The following COL22A1 variants were observed in gnomAD, a reference collection of about 807,000 sequenced individuals.
The protein encoded by COL22A1 is collagen alpha-1(XXII) chain.
A neutral mutation model predicts 248.9 loss-of-function variants in COL22A1; 221 were observed. The observed-to-expected ratio is 0.89, with a 90% CI of 0.80 to 0.99. The LOEUF is 0.99. Among genes scored for constraint, COL22A1 ranks in the 50% least tolerant of loss-of-function variants. COL22A1 has a pLI of 0.00. For missense variants in COL22A1, 2,240 were observed against 2,179.0 expected (o/e 1.03, Z -0.56); for synonymous variants, 891 against 793.4 (o/e 1.12, Z -2.07).
chr8:138,884,692 C>A (rs1329937969), intron 1 of COL22A1, among the ~76,000 whole-genome samples: 2 of 152,100 alleles, frequency 1.3e-5, no homozygotes, highest in Non-Finnish European at 2.9e-5. Context: ...ATGTCCACTG[C>A]AGCTTGGAGT....
intron 13 of COL22A1, among the ~76,000 whole-genome samples, chr8:138,779,841 T>C (rs983551330): frequency 1.3e-5 from 2 of 152,176 alleles, no homozygotes; most frequent in Non-Finnish European, 2.9e-5. Flanking sequence ...AGCTCACTCA[T>C]TATAACTTCA....
chr8:138,733,781 G>C (rs1469083833), intron 23 of COL22A1, among the ~76,000 whole-genome samples: 1 of 152,146 alleles, frequency 6.6e-6, no homozygotes, highest in African/African-American at 2.4e-5. Flanking sequence ...AGGCCTTGTG[G>C]ATGCAGGGAG....
chr8:138,738,793 G>C (rs1287202158), intron 22 of COL22A1, among the ~76,000 whole-genome samples: 1 of 152,212 alleles, frequency 6.6e-6, no homozygotes, highest in Non-Finnish European at 1.5e-5. Context: ...GTATCTGTGA[G>C]ATTGTAAAAC....
At chr8:138,615,274 T>TA in intron 55 of COL22A1, among the ~76,000 whole-genome samples, 1 of 152,218 alleles carries the variant, frequency 6.6e-6, no homozygotes, top group Non-Finnish European at 1.5e-5. Context: ...CTCACGCCTA[T>TA]AGTCCTAACC....
intron 2 of COL22A1, among the ~76,000 whole-genome samples, chr8:138,879,158 C>T (rs1823984150): frequency 6.6e-6 from 1 of 152,122 alleles, no homozygotes; most frequent in African/African-American, 2.4e-5. Flanking sequence ...CTGTACCAGA[C>T]ACACTGATAC....
intron 3 of COL22A1, among the ~76,000 whole-genome samples, chr8:138,862,418 G>A (rs1586911861): frequency 1.3e-5 from 2 of 152,220 alleles, no homozygotes; most frequent in African/African-American, 2.4e-5. Context: ...GCTTCTGGAG[G>A]CTGGAGCTGA....
rs751338683 is a variant in COL22A1, at chr8:138,844,094, C to T, written c.723G>A (p.Lys241=). 2.2e-5 allele frequency: 35 copies of T among 1,613,936 alleles called. No individual in the cohort carries two copies. The highest frequency in any genetic ancestry group is 2.0e-5 in the Non-Finnish European group (24 of 1,179,902). ...DRFKHTNGGT[K]EITGFDLMDL... Reference sequence around the variant, plus strand: ...TTGTTTTTCCCTTACCTGTGATTTCCTTGGTTCCTCCATTGGTGTGCTTAA... The same window carrying T: ...TTGTTTTTCCCTTACCTGTGATTTCTTTGGTTCCTCCATTGGTGTGCTTAA... Residue 241 remains lysine, a synonymous_variant, in exon 4 of 65, where the codon AAG becomes AAA. Transcript: ENST00000303045.
At chr8:138,725,752 GACACACACACACACACACACACACAC>G (rs66497386) in intron 23 of COL22A1, among the ~76,000 whole-genome samples, 6 of 148,686 alleles carry the variant, frequency 4.0e-5, no homozygotes, top group African/African-American at 7.4e-5. Context: ...CACATGTGCA[GACACACACACACACACACACACACAC>G]ACACACACAC....
Position 138,665,855 on chromosome 8 carries a change from C to G in COL22A1, c.3151-2115G>C, listed in dbSNP as rs561601434. The stretch of plus-strand genomic sequence containing the variant: ...CATGGCATTATCCAGAAAGATCTGG[C>G]AGGTATCAAAAGAGCCAGAGTACAT... On this transcript the variant is annotated intron_variant, in intron 41 of 64. Transcript: ENST00000303045. Among the ~76,000 whole-genome samples, 4 of 152,124 alleles carry G rather than the reference C, an allele frequency of 2.6e-5. No homozygotes were observed. In the East Asian group the frequency reaches 7.7e-4, roughly 29 times the overall value.
chr8:138,773,907 G>A (rs1834601566), intron 16 of COL22A1, among the ~76,000 whole-genome samples: 1 of 152,220 alleles, frequency 6.6e-6, no homozygotes, highest in Non-Finnish European at 1.5e-5. Flanking sequence ...CAGCCCTGCT[G>A]CGGGGCAGTT....
intron 1 of COL22A1, among the ~76,000 whole-genome samples, chr8:138,890,197 T>C (rs1231078332): frequency 6.6e-6 from 1 of 151,232 alleles, no homozygotes; most frequent in Non-Finnish European, 1.5e-5. Context: ...CCTTTCATGA[T>C]AAAAAAAATA....
chr8:138,745,190 CT>C (rs113552748), intron 22 of COL22A1, among the ~76,000 whole-genome samples: 162 of 146,452 alleles, frequency 1.1e-3, no homozygotes, highest in South Asian at 4.6e-3. Flanking sequence ...ACCAACTTTT[CT>C]TTTTTTTTTT....
At chr8:138,737,498 T>C (rs767550398) in intron 23 of COL22A1, 26 bp downstream of exon 23, 14 of 1,549,086 alleles carry the variant, frequency 9.0e-6, no homozygotes, top group East Asian at 2.2e-5. Flanking sequence ...AGCGTTGCTA[T>C]GGAAGAGAAT....
chr8:138,889,898 C>A (rs1473623637), intron 1 of COL22A1, among the ~76,000 whole-genome samples: 5 of 152,142 alleles, frequency 3.3e-5, no homozygotes, highest in Non-Finnish European at 7.4e-5. Context: ...TTAGAGAAAT[C>A]TTTGTCATAT....
intron 7 of COL22A1, among the ~76,000 whole-genome samples, chr8:138,814,490 C>A (rs907833441): frequency 6.6e-6 from 1 of 152,180 alleles, no homozygotes; most frequent in Non-Finnish European, 1.5e-5. Flanking sequence ...CAGAAGGTAG[C>A]ATGTTGTCAG....
Position 138,714,046 on chromosome 8 carries a change from T to C in COL22A1, c.2517+1636A>G, listed in dbSNP as rs1159012460. On this transcript the variant is annotated intron_variant, in intron 30 of 64. Transcript: ENST00000303045. ...TCCAACCTGTTTTTGTAAAAGAAGG[T>C]TGGAGAGAGTAGGCATACATCCTCT... Among the ~76,000 whole-genome samples the C allele has an allele frequency of 2.0e-5, 3 of 152,112 alleles. No individual in the cohort carries two copies. The East Asian group carries it at 5.8e-4, about 29-fold the overall frequency.
At position 138,664,207 on chromosome 8, in the gene COL22A1, GCGCACACACA is replaced by G. The variant is rs1180055852; in HGVS notation, c.3151-477_3151-468del. Among the ~76,000 whole-genome samples, 489 of 87,602 alleles carry G rather than the reference GCGCACACACA, an allele frequency of 5.6e-3. 9 individuals carry two copies. The highest frequency in any genetic ancestry group is 0.021 in the East Asian group (69 of 3,314). The allele number at this position is 87,602 out of a possible 152,430, so 57.5% of individuals were successfully genotyped here. ...TCCAACAAGGGGTGCGCGCGCGCGCGCGCACACACACACACACACACACACACACACACAC... is the reference window on the plus strand; with the variant it reads ...TCCAACAAGGGGTGCGCGCGCGCGCGCACACACACACACACACACACACAC... On this transcript the variant is annotated intron_variant, in intron 41 of 64. Transcript: ENST00000303045.
intron 64 of COL22A1, 77 bp from the exon 65 acceptor site, chr8:138,589,517 C>T: frequency 8.3e-7 from 1 of 1,210,596 alleles, no homozygotes. Context: ...CTCACAGCTT[C>T]CATTCACTAT....
intron 1 of COL22A1, among the ~76,000 whole-genome samples, chr8:138,888,821 G>A (rs1463069330): frequency 6.6e-6 from 1 of 152,164 alleles, no homozygotes. Flanking sequence ...ACAAGGACTT[G>A]TCGGACTTGT....
Sources: allele counts gnomAD v4.1 joint callset (sites outside exome capture counted in the v4.1 genomes callset), GRCh38; gene constraint gnomAD v4.1.1; transcripts MANE v1.5; gene names NCBI Gene and HGNC (gene_info 2026-07-23, HGNC 2026-07-21).